TAF1: variants seen among roughly 807,000 people sequenced by gnomAD.
TAF1 encodes the protein transcription initiation factor TFIID subunit 1.
In TAF1, 2 loss-of-function variants were observed where a neutral mutation model predicts 138.5. That is an observed-to-expected ratio of 0.01 (90% CI 0.01 to 0.05). The LOEUF is 0.05. TAF1 is among the 10% of genes least tolerant of loss of function. TAF1 has a pLI of 1.00. For missense variants in TAF1, 709 were observed against 1,478.0 expected (o/e 0.48, Z 8.53); for synonymous variants, 437 against 503.2 (o/e 0.87, Z 1.76).
intron 28 of TAF1, among the ~76,000 whole-genome samples, chrX:71,419,150 C>T (rs1189422559): frequency 3.6e-5 from 4 of 111,751 alleles, no homozygotes; most frequent in African/African-American, 1.3e-4. Flanking sequence ...ACAAAAGTTG[C>T]AATCACAAAT....
intron 20 of TAF1, 75 bp from the exon 21 acceptor site, chrX:71,393,222 ATTTG>A (rs1404766340): frequency 4.1e-5 from 41 of 999,395 alleles, no homozygotes; most frequent in Non-Finnish European, 5.0e-5. Flanking sequence ...TCCCTGAATG[ATTTG>A]TGTGTGTGTG....
intron 21 of TAF1, 89 bp from the exon 22 acceptor site, chrX:71,393,978 C>T: frequency 1.0e-6 from 1 of 960,132 alleles, no homozygotes; most frequent in East Asian, 3.4e-5. Flanking sequence ...TTTGAGTATG[C>T]CTTTTTAAGG....
chrX:71,518,756 C>T (rs2039870130), intron 13 of TAF1, among the ~76,000 whole-genome samples: 2 of 89,868 alleles, frequency 2.2e-5, no homozygotes, highest in South Asian at 5.8e-4. Context: ...AGTGCAGTGG[C>T]GCAATCTCGG....
intron 28 of TAF1, 37 bp from the exon 29 acceptor site, chrX:71,421,272 G>T (rs369795723): frequency 6.0e-6 from 7 of 1,161,454 alleles, no homozygotes; most frequent in Non-Finnish European, 8.2e-6. Context: ...TTTGCCTCCC[G>T]TTATTAGTGG....
chrX:71,397,293 T>C lies in TAF1; in HGVS notation c.3447T>C (p.Asp1149=). The C allele has an allele frequency of 8.3e-7, 1 of 1,211,506 alleles. No individual in the cohort carries two copies. The highest frequency in any genetic ancestry group is 1.1e-6 in the Non-Finnish European group (1 of 895,519). Residue 1149 remains aspartate (D), a synonymous_variant, in exon 23 of 38, where the codon GAT becomes GAC. Transcript: ENST00000423759. The part of the protein sequence containing the change: ...SAASGNNHRD[D]DTASVTSLNS... ...CATCCGGAAACAATCACAGAGATGA[T>C]GACACAGCTTCCGTGACTAGCCTTA...
At chrX:71,456,747 C>T (rs2038322348) in intron 34 of TAF1, among the ~76,000 whole-genome samples, 1 of 95,644 alleles carries the variant, frequency 1.0e-5, no homozygotes, top group Non-Finnish European at 2.0e-5. Context: ...GCAATCTCGG[C>T]TCACTGCAAC....
At chrX:71,477,307 T>G (rs191950840) in intron 13 of TAF1, among the ~76,000 whole-genome samples, 64 of 110,747 alleles carry the variant, frequency 5.8e-4, no homozygotes, top group African/African-American at 2.0e-3. Context: ...ATTTTTTTTT[T>G]TGAGACAGAG....
Position 71,448,706 on chromosome X carries a change from G to A in TAF1, c.4754-5464G>A, listed in dbSNP as rs776507729. ...GGACTGTCTAAAACTGACACAAACA[G>A]CTAATATCAAACACATAAGTGTATC... On this transcript the variant is annotated intron_variant, in intron 32 of 37. Transcript: ENST00000423759. Among the ~76,000 whole-genome samples, 5 of 111,785 alleles carry A rather than the reference G, an allele frequency of 4.5e-5. No homozygotes were observed. In the East Asian group the frequency reaches 1.4e-3, roughly 31 times the overall value.
At chrX:71,440,908 C>T (rs888295255) in intron 32 of TAF1, among the ~76,000 whole-genome samples, 2 of 110,115 alleles carry the variant, frequency 1.8e-5, no homozygotes, top group Non-Finnish European at 3.8e-5. Flanking sequence ...TCTTCTCCTC[C>T]TCCCTTCTTC....
At chrX:71,488,550 C>T (rs1056605226) in intron 13 of TAF1, among the ~76,000 whole-genome samples, 23 of 110,321 alleles carry the variant, frequency 2.1e-4, no homozygotes, top group African/African-American at 6.9e-4. Flanking sequence ...GACCAATCCC[C>T]AGCTGAAGAC....
At chrX:71,460,059 C>T (rs1342886017) in intron 36 of TAF1, among the ~76,000 whole-genome samples, 1 of 111,427 alleles carries the variant, frequency 9.0e-6, no homozygotes, top group Non-Finnish European at 1.9e-5. Context: ...GGCAACATAG[C>T]GAGACCCTGT....
At chrX:71,423,887 T>A (rs2036473802) in intron 30 of TAF1, 87 bp from the exon 31 acceptor site, 1 of 727,995 alleles carries the variant, frequency 1.4e-6, no homozygotes, top group Non-Finnish European at 2.0e-6. Flanking sequence ...TAGCTTTTTT[T>A]AGGAATATTT....
intron 34 of TAF1, among the ~76,000 whole-genome samples, chrX:71,457,976 G>T (rs937634145): frequency 8.9e-6 from 1 of 112,503 alleles, no homozygotes; most frequent in Non-Finnish European, 1.9e-5. Context: ...GACCAGAAAG[G>T]CTGTTAGGAC....
At chrX:71,516,864 C>T (rs1053517004) in intron 13 of TAF1, among the ~76,000 whole-genome samples, 1 of 109,184 alleles carries the variant, frequency 9.2e-6, no homozygotes, top group Non-Finnish European at 1.9e-5. Context: ...GCCACCACTC[C>T]CAGCTCATTT....
intron 22 of TAF1, 55 bp downstream of exon 22, chrX:71,394,300 C>G: frequency 8.9e-7 from 1 of 1,124,524 alleles, no homozygotes; most frequent in Non-Finnish European, 1.2e-6. Flanking sequence ...AAAAAGGAGC[C>G]TACGTAACTG....
At chrX:71,460,923 G>GC in intron 37 of TAF1, 120 bp downstream of exon 37, 1 of 1,007,268 alleles carries the variant, frequency 9.9e-7, no homozygotes, top group East Asian at 3.3e-5. Flanking sequence ...CTAGGGCCAG[G>GC]CACTGTGCTA....
chrX:71,484,425 C>T (rs926910848), intron 13 of TAF1, among the ~76,000 whole-genome samples: 3 of 107,973 alleles, frequency 2.8e-5, no homozygotes, highest in Admixed American at 1.0e-4. Context: ...CTCCGACTCC[C>T]GGGTTCAAGT....
In TAF1 at chrX:71,387,291, A is replaced by G. The variant is rs764849779; in HGVS notation, c.2257A>G (p.Ile753Val). 39 of 1,210,141 alleles carry G rather than the reference A, an allele frequency of 3.2e-5. No individual in the cohort carries two copies. The highest frequency in any genetic ancestry group is 2.4e-4 in the Admixed American group (11 of 45,720). ...TGAGAACAACCTTTTTCGTGCTCCA[A>G]TTTATCTTCATAAGATGCCAGAAAC... Reference protein sequence around the residue: ...AFENNLFRAPIYLHKMPETDF... With the variant: ...AFENNLFRAPVYLHKMPETDF... Residue 753 changes from isoleucine to valine, a missense_variant, in exon 15 of 38, where the codon ATT (isoleucine) becomes GTT (valine). Coordinates refer to ENST00000423759, the MANE Select transcript of TAF1 (RefSeq NM_004606.5).
In TAF1 at chrX:71,382,495, T is replaced by C. The variant is rs368235287; in HGVS notation, c.1538-41T>C. ...TACTTGTCTGTAGGAAAGGTGAATCTTCAGGGAGAGCAACTCAAGTGATTT... is the reference window on the plus strand; with the variant it reads ...TACTTGTCTGTAGGAAAGGTGAATCCTCAGGGAGAGCAACTCAAGTGATTT... On this transcript the variant is annotated intron_variant, in intron 9 of 37. Transcript: ENST00000423759. 1.4e-5 allele frequency: 17 copies of C among 1,190,147 alleles called. No homozygotes were observed. In the African/African-American group the frequency reaches 2.9e-4, roughly 20 times the overall value.
Sources: allele counts gnomAD v4.1 joint callset (sites outside exome capture counted in the v4.1 genomes callset), GRCh38; gene constraint gnomAD v4.1.1; transcripts MANE v1.5; gene names NCBI Gene and HGNC (gene_info 2026-07-23, HGNC 2026-07-21).